MRAP2: variants seen among roughly 807,000 people sequenced by gnomAD.
The protein encoded by MRAP2 is melanocortin-2 receptor accessory protein 2.
Under a neutral mutation model 17.4 loss-of-function variants are expected in MRAP2, and 20 were observed. That is an observed-to-expected ratio of 1.15 (90% CI 0.81 to 1.67). MRAP2 has a LOEUF of 1.67. Ranked by LOEUF, MRAP2 falls within the 40% of genes most tolerant of loss-of-function variation. The pLI, the probability that MRAP2 is intolerant of heterozygous loss-of-function variation, is 0.00. For missense variants in MRAP2, 238 were observed against 240.0 expected (o/e 0.99, Z 0.05); for synonymous variants, 96 against 88.4 (o/e 1.09, Z -0.48).
At chr6:84,103,036 G>C in the MRAP2 span, among the ~76,000 whole-genome samples, 6 of 152,164 alleles carry the variant, frequency 3.9e-5, no homozygotes, top group Non-Finnish European at 7.3e-5. Context: ...TGAAGAAAGT[G>C]GCTACAAGTT....
chr6:84,038,266 C>G (rs1239725709), intron 1 of MRAP2, among the ~76,000 whole-genome samples: 3 of 152,218 alleles, frequency 2.0e-5, no homozygotes, highest in African/African-American at 7.2e-5. Flanking sequence ...TTAATTCAGT[C>G]CTTTCCTCCT....
intron 2 of MRAP2, chr6:84,061,883 G>A: frequency 6.1e-6 from 6 of 985,414 alleles, no homozygotes; most frequent in Non-Finnish European, 7.2e-6. Flanking sequence ...CTGGAAAAGT[G>A]GGTCAGTTCT....
intron 3 of MRAP2, among the ~76,000 whole-genome samples, chr6:84,072,712 G>A (rs144891696): frequency 3.3e-5 from 5 of 152,130 alleles, no homozygotes; most frequent in Non-Finnish European, 5.9e-5. Context: ...AAGGCTAGGC[G>A]TGTCTGAGCT....
the MRAP2 span, among the ~76,000 whole-genome samples, chr6:84,135,736 T>G: frequency 6.6e-6 from 1 of 151,954 alleles, no homozygotes; most frequent in Non-Finnish European, 1.5e-5. Flanking sequence ...GATGGCACAA[T>G]CCTGTAATCC....
chr6:84,044,447 A>G (rs2099488459), intron 1 of MRAP2, among the ~76,000 whole-genome samples: 1 of 152,226 alleles, frequency 6.6e-6, no homozygotes, highest in Non-Finnish European at 1.5e-5. Context: ...TTGGCCTCCC[A>G]AAGGAATTTA....
the MRAP2 span, among the ~76,000 whole-genome samples, chr6:84,141,275 G>A: frequency 6.6e-6 from 1 of 151,836 alleles, no homozygotes; most frequent in African/African-American, 2.4e-5. Context: ...AATTTTAAAG[G>A]GAGCATTCAT....
chr6:84,075,187 T>C (rs2099497256), intron 3 of MRAP2, among the ~76,000 whole-genome samples: 1 of 152,124 alleles, frequency 6.6e-6, no homozygotes, highest in Admixed American at 6.6e-5. Flanking sequence ...TGCCCCTCCA[T>C]TCTTCAGCCG....
At chr6:84,142,975 T>A in the MRAP2 span, among the ~76,000 whole-genome samples, 1 of 152,102 alleles carries the variant, frequency 6.6e-6, no homozygotes, top group Non-Finnish European at 1.5e-5. Context: ...TAATTGTTAA[T>A]AACAAGTACA....
the MRAP2 span, among the ~76,000 whole-genome samples, chr6:84,123,225 C>T: frequency 6.3e-3 from 923 of 147,102 alleles, 4 homozygotes; most frequent in African/African-American, 0.023. Flanking sequence ...GAAAAACAAT[C>T]CTAAAATTCA....
chr6:84,088,412 A>G (rs1386980609), intron 3 of MRAP2, among the ~76,000 whole-genome samples: 2 of 152,190 alleles, frequency 1.3e-5, no homozygotes, highest in African/African-American at 4.8e-5. Context: ...GAAACAAGGA[A>G]TTAGGAATCT....
At chr6:84,102,677 A>G in the MRAP2 span, among the ~76,000 whole-genome samples, 15 of 152,336 alleles carry the variant, frequency 9.8e-5, 1 homozygote, top group South Asian at 3.1e-3. Context: ...TACAACAGCA[A>G]TAGAAAACTA....
intron 1 of MRAP2, among the ~76,000 whole-genome samples, chr6:84,038,730 A>G (rs929393252): frequency 3.3e-5 from 5 of 152,222 alleles, no homozygotes; most frequent in Admixed American, 3.3e-4. Context: ...CCTGGGCTCA[A>G]GTGATCCTCC....
intron 1 of MRAP2, among the ~76,000 whole-genome samples, chr6:84,042,375 G>A (rs2099487822): frequency 6.6e-6 from 1 of 152,202 alleles, no homozygotes. Context: ...CAATGGGAGA[G>A]GAGGGTTAAT....
chr6:84,052,586 GGCACTAGGT>G (rs2099490724), intron 1 of MRAP2, among the ~76,000 whole-genome samples: 1 of 152,142 alleles, frequency 6.6e-6, no homozygotes, highest in Non-Finnish European at 1.5e-5. Flanking sequence ...CTTTTTCAAG[GGCACTAGGT>G]GACTGCTTTA....
At chr6:84,121,007 A>G in the MRAP2 span, among the ~76,000 whole-genome samples, 1 of 152,116 alleles carries the variant, frequency 6.6e-6, no homozygotes, top group African/African-American at 2.4e-5. Flanking sequence ...CAATTTTTCT[A>G]TCAATACTGG....
At chr6:84,130,727 G>A in the MRAP2 span, among the ~76,000 whole-genome samples, 472 of 151,968 alleles carry the variant, frequency 3.1e-3, 3 homozygotes, top group African/African-American at 4.5e-3. Context: ...TTTTTATTGC[G>A]TCTATTTGAT....
the MRAP2 span, among the ~76,000 whole-genome samples, chr6:84,143,903 A>G: frequency 6.6e-6 from 1 of 152,020 alleles, no homozygotes; most frequent in East Asian, 1.9e-4. Flanking sequence ...TGTGTTTCCT[A>G]TGGTCTCTAT....
At chr6:84,066,200 T>C (rs571994270) in intron 3 of MRAP2, among the ~76,000 whole-genome samples, 7 of 152,294 alleles carry the variant, frequency 4.6e-5, no homozygotes, top group Non-Finnish European at 8.8e-5. Context: ...TGAACAATGC[T>C]CAATCACAGA....
At chr6:84,120,768 G>C in the MRAP2 span, among the ~76,000 whole-genome samples, 2 of 152,112 alleles carry the variant, frequency 1.3e-5, no homozygotes, top group African/African-American at 2.4e-5. Context: ...GATGGGTGCA[G>C]CTATACATTA....
Sources: gnomAD v4.1 joint callset for allele counts (sites outside exome capture counted in the v4.1 genomes callset) on GRCh38, gnomAD v4.1.1 for gene constraint, MANE v1.5 for transcripts, NCBI Gene and HGNC (gene_info 2026-07-23, HGNC 2026-07-21) for gene names.